TDG: variants seen among roughly 807,000 people sequenced by gnomAD.
TDG encodes the protein G/T mismatch-specific thymine DNA glycosylase.
A neutral mutation model predicts 46.1 loss-of-function variants in TDG; 23 were observed. That is an observed-to-expected ratio of 0.50 (90% CI 0.36 to 0.71). TDG has a LOEUF of 0.71. Among genes scored for constraint, TDG ranks in the 30% least tolerant of loss-of-function variants. The pLI is 0.00. For missense variants in TDG, 304 were observed against 486.7 expected, an observed-to-expected ratio of 0.62 and a Z score of 3.53; for synonymous variants, 115 against 161.3, an observed-to-expected ratio of 0.71 and a Z score of 2.18.
At chr12:103,973,733 A>C (rs889964860) in intron 1 of TDG, among the ~76,000 whole-genome samples, 4 of 152,154 alleles carry the variant, frequency 2.6e-5, no homozygotes, top group Non-Finnish European at 4.4e-5. Context: ...CTACATCTTA[A>C]CTTCTAGTCC....
intron 1 of TDG, chr12:103,972,865 G>T: frequency 2.2e-6 from 1 of 461,410 alleles, no homozygotes. Flanking sequence ...GATGATTAAT[G>T]ACCTCCGACT....
At chr12:103,966,102 C>T (rs772111604) in intron 1 of TDG, 42 bp downstream of exon 1, 2 of 1,513,100 alleles carry the variant, frequency 1.3e-6, no homozygotes, top group Non-Finnish European at 1.8e-6. Context: ...GCGCCCCTCA[C>T]TGCTGGGCAG....
Position 103,982,921 on chromosome 12 carries a change from A to C in TDG, c.601A>C (p.Lys201Gln), listed in dbSNP as rs983796337. The C allele has an allele frequency of 1.2e-6, 2 of 1,614,200 alleles. No homozygotes were observed. The highest frequency in any genetic ancestry group is 2.7e-5 in the African/African-American group (2 of 75,054). Residue 201 changes from lysine (K) to glutamine (Q), a missense_variant, in exon 5 of 10, where the codon AAA becomes CAA. Lys to Gln is a moderately conservative substitution (Grantham distance 53, BLOSUM62 1). Coordinates refer to ENST00000392872, the MANE Select transcript of TDG (RefSeq NM_003211.6). ...GGTGGAAAGGACCACGCCCGGCAGC[A>C]AAGATCTCTCCAGGTAAGTACACAG... ...NMVERTTPGS[K>Q]DLSSKEFREG...
intron 4 of TDG, among the ~76,000 whole-genome samples, chr12:103,981,436 T>C (rs919470761): frequency 1.3e-5 from 2 of 151,962 alleles, no homozygotes; most frequent in Admixed American, 6.6e-5. Context: ...GGTGTCTCCA[T>C]GTTGGTCAGG....
chr12:103,986,928 T>G lies in TDG; in HGVS notation c.1091-20T>G. ...TATTTCTAAATGGCATAAACTAACT[T>G]TGTTTTTCTTTTCTGGCAGTTGAGA... On this transcript the variant is annotated intron_variant, in intron 9 of 9. Coordinates refer to ENST00000392872, the MANE Select transcript of TDG (RefSeq NM_003211.6). The G allele has an allele frequency of 7.5e-7, 1 of 1,324,506 alleles. No homozygotes were observed. The highest frequency in any genetic ancestry group is 9.7e-7 in the Non-Finnish European group (1 of 1,030,380). The allele number at this position is 1,324,506 out of a possible 1,614,324, so 82.0% of individuals were successfully genotyped here.
At chr12:103,969,091 C>T (rs1246076010) in intron 1 of TDG, among the ~76,000 whole-genome samples, 3 of 152,218 alleles carry the variant, frequency 2.0e-5, no homozygotes, top group Non-Finnish European at 2.9e-5. Context: ...CAGGAGGTAC[C>T]TACAGTAGTC....
In TDG at chr12:103,977,050, A is replaced by T; in HGVS notation, c.156A>T (p.Glu52Asp). The change falls in exon 2 of 10, where the codon GAA (glutamate) becomes GAT (aspartate). Residue 52 changes from glutamate (E) to aspartate (D), a missense_variant. Glu to Asp is a conservative substitution (Grantham distance 45). Transcript: ENST00000392872. ...EEVPAPAPAQ[E>D]PVQEAPKGRK... ...TTCCAGCCCCAGCTCCTGCTCAGGAACCAGTGCAAGGTAGTTTCACCATGA... is the reference window on the plus strand; with the variant it reads ...TTCCAGCCCCAGCTCCTGCTCAGGATCCAGTGCAAGGTAGTTTCACCATGA... 6.2e-7 allele frequency: 1 copy of T among 1,612,572 alleles called. No homozygotes were observed. The highest frequency in any genetic ancestry group is 8.5e-7 in the Non-Finnish European group (1 of 1,179,636).
At chr12:103,981,212 A>G (rs1871807592) in intron 4 of TDG, among the ~76,000 whole-genome samples, 1 of 145,978 alleles carries the variant, frequency 6.9e-6, no homozygotes, top group African/African-American at 2.5e-5. Context: ...AATTGTTTCT[A>G]ATGAGTTGTA....
chr12:103,969,837 T>C (rs1393872342), intron 1 of TDG, among the ~76,000 whole-genome samples: 1 of 152,230 alleles, frequency 6.6e-6, no homozygotes, highest in African/African-American at 2.4e-5. Flanking sequence ...ATTTTCGGGC[T>C]GATGAGGCTT....
chr12:103,983,416 A>G (rs969752567), intron 7 of TDG, 27 bp downstream of exon 7: 8 of 1,494,452 alleles, frequency 5.4e-6, no homozygotes, highest in Non-Finnish European at 7.2e-6. Flanking sequence ...GAATTTGTAA[A>G]TCAGCTAAAT....
chr12:103,968,940 C>A (rs1871177187), intron 1 of TDG, among the ~76,000 whole-genome samples: 1 of 152,146 alleles, frequency 6.6e-6, no homozygotes, highest in African/African-American at 2.4e-5. Flanking sequence ...ACCAGCCTGG[C>A]CAATATGGTG....
intron 9 of TDG, chr12:103,986,123 G>C (rs112399953): frequency 6.6e-6 from 1 of 152,470 alleles, no homozygotes; most frequent in African/African-American, 2.4e-5. Flanking sequence ...GGGTTTCACC[G>C]TGTTAGCCAG....
Position 103,983,394 on chromosome 12 carries a change from G to A in TDG, c.792+5G>A. ...AAGATTCCAGACACAGAAACTGTAA[G>A]TCCCTAAAATTGAATTTGTAAATCA... On this transcript the variant is annotated splice_donor_5th_base_variant and intron_variant, in intron 7 of 9. Transcript: ENST00000392872. 6.4e-7 allele frequency: 1 copy of A among 1,555,902 alleles called. No homozygotes were observed.
chr12:103,966,242 G>C (rs1871014580), intron 1 of TDG, among the ~76,000 whole-genome samples, 182 bp downstream of exon 1: 1 of 152,220 alleles, frequency 6.6e-6, no homozygotes, highest in Non-Finnish European at 1.5e-5. Flanking sequence ...GGTGGTGGAG[G>C]TCGGGGCTGC....
rs145242671 is a variant in TDG at position 103,972,050 on chromosome 12, C to A, written c.24-4868C>A. ...AATGTATTTAAGAAATATCCTCACA[C>A]TGAGGTTGAAACAGGTTTATGCTGC... On this transcript the variant is annotated intron_variant, in intron 1 of 9. Transcript: ENST00000392872. 2.2e-4 allele frequency among the ~76,000 whole-genome samples: 33 copies of A among 152,262 alleles called. No homozygotes were observed. In the East Asian group the frequency reaches 6.2e-3, roughly 28 times the overall value.
rs4964430 is a variant in TDG, at chr12:103,988,391, A to G, written c.*1301A>G. 0.082 allele frequency: 12,086 copies of G among 146,776 alleles called. No individual in the cohort carries two copies. The highest frequency in any genetic ancestry group is 0.094 in the Non-Finnish European group (6,174 of 65,494). The allele number at this position is 146,776 out of a possible 1,614,324, so 9.1% of individuals were successfully genotyped here. A position where few individuals can be genotyped will look rare whatever the true frequency, so the allele number is the denominator to read the frequency against. ...ACAAATTCTTATTGTGAATCTTAAC[A>G]TGCTTTTTAGCTGTGGCTATGATGG... is the stretch of plus-strand genomic sequence containing the variant. On this transcript the variant is annotated 3_prime_UTR_variant, in exon 10 of 10. Transcript: ENST00000392872.
chr12:103,979,164 A>G (rs1871692039), intron 2 of TDG, among the ~76,000 whole-genome samples: 2 of 132,212 alleles, frequency 1.5e-5, no homozygotes, highest in African/African-American at 5.8e-5. Flanking sequence ...ATGCAGAGGC[A>G]TGATCTCAGC....
intron 1 of TDG, among the ~76,000 whole-genome samples, chr12:103,966,309 G>T (rs1203570746): frequency 6.6e-6 from 1 of 152,210 alleles, no homozygotes; most frequent in African/African-American, 2.4e-5. Flanking sequence ...ATAACCAGTT[G>T]ACTATAAAAT....
At chr12:103,966,353 G>A (rs1871023836) in intron 1 of TDG, among the ~76,000 whole-genome samples, 1 of 152,226 alleles carries the variant, frequency 6.6e-6, no homozygotes, top group Non-Finnish European at 1.5e-5. Flanking sequence ...TTTGGTTAAT[G>A]TGTCTTTCTG....
Sources: gnomAD v4.1 joint callset for allele counts (sites outside exome capture counted in the v4.1 genomes callset) on GRCh38, gnomAD v4.1.1 for gene constraint, MANE v1.5 for transcripts, NCBI Gene and HGNC (gene_info 2026-07-23, HGNC 2026-07-21) for gene names.